Variants in SLC22A3 observed in about 807,000 individuals in gnomAD.
SLC22A3 encodes the protein EMT organic cation transporter 3.
A neutral mutation model predicts 59.1 loss-of-function variants in SLC22A3; 51 were observed. That is an observed-to-expected ratio of 0.86 (90% CI 0.69 to 1.09). The LOEUF is 1.09. Among genes scored for constraint, SLC22A3 ranks in the 50% least tolerant of loss-of-function variants. SLC22A3 has a pLI of 0.00. For synonymous variants in SLC22A3, 325 were observed against 292.0 expected (o/e 1.11, Z -1.15); for missense variants, 711 against 726.3 (o/e 0.98, Z 0.24).
Position 160,393,243 on chromosome 6 carries a change from G to A in SLC22A3, c.430-4736G>A, listed in dbSNP as rs959837276. ...ATTCCCTATGGTCTGAGGAGCAAAT[G>A]AGGCCCCTCTCCTGAGTTTATTTAT... On this transcript the variant is annotated intron_variant, in intron 1 of 10. Coordinates refer to ENST00000275300, the MANE Select transcript of SLC22A3 (RefSeq NM_021977.4). 1.2e-3 allele frequency among the ~76,000 whole-genome samples: 187 copies of A among 151,880 alleles called. 1 individual carries two copies. Among genetic ancestry groups the A allele is most frequent in the African/African-American group, 4.3e-3 (177 of 41,498 alleles).
chr6:160,403,010 C>A (rs777929740), intron 2 of SLC22A3, among the ~76,000 whole-genome samples: 1 of 149,224 alleles, frequency 6.7e-6, no homozygotes, highest in Non-Finnish European at 1.5e-5. Context: ...AAACCCAAGG[C>A]AAGTAGAAGA....
At chr6:160,427,768 T>C (rs996486445) in intron 5 of SLC22A3, among the ~76,000 whole-genome samples, 8 of 152,250 alleles carry the variant, frequency 5.3e-5, no homozygotes, top group Admixed American at 2.0e-4. Context: ...CAAAACAACT[T>C]TGGCTGACCA....
chr6:160,440,728 C>T lies in SLC22A3; in HGVS notation c.1289-2033C>T, dbSNP rs574935549. The stretch of plus-strand genomic sequence containing the variant: ...TTCACTCTTTAGTTAATGAACCATG[C>T]AATGCCTTAGAAACTTTTCTTTGGT... On this transcript the variant is annotated intron_variant, in intron 7 of 10. Transcript: ENST00000275300. Among the ~76,000 whole-genome samples, 4 of 152,254 alleles carry T rather than the reference C, an allele frequency of 2.6e-5. No homozygotes were observed. In the East Asian group the frequency reaches 7.7e-4, roughly 29 times the overall value.
At chr6:160,361,305 T>A (rs926870102) in intron 1 of SLC22A3, among the ~76,000 whole-genome samples, 6 of 152,082 alleles carry the variant, frequency 3.9e-5, no homozygotes, top group Non-Finnish European at 8.8e-5. Flanking sequence ...CAAAGGAACA[T>A]ACAGAGAAAC....
intron 1 of SLC22A3, among the ~76,000 whole-genome samples, chr6:160,374,987 T>C (rs779555783): frequency 6.6e-6 from 1 of 152,068 alleles, no homozygotes; most frequent in East Asian, 1.9e-4. Flanking sequence ...ACGTGCAGAC[T>C]GTGCTGTCCA....
At chr6:160,409,232 T>C (rs1787150984) in intron 4 of SLC22A3, among the ~76,000 whole-genome samples, 2 of 101,288 alleles carry the variant, frequency 2.0e-5, no homozygotes, top group Non-Finnish European at 3.9e-5. Context: ...CCATGTGATC[T>C]CATTGTTCAA....
chr6:160,418,372 G>T (rs143687679), intron 5 of SLC22A3, among the ~76,000 whole-genome samples: 1 of 152,164 alleles, frequency 6.6e-6, no homozygotes, highest in Non-Finnish European at 1.5e-5. Context: ...CATACTGAAG[G>T]CTGCACTGTT....
rs544116538 is a variant in SLC22A3, at chr6:160,422,705, T to C, written c.975+11859T>C. ...GGTGTCTGAATAAAGGAGGTGTTAA[T>C]TGGTGATGAAGTCCTTTTATCCTTT... On this transcript the variant is annotated intron_variant, in intron 5 of 10. Transcript: ENST00000275300. Among the ~76,000 whole-genome samples, 114 of 152,340 alleles carry C rather than the reference T, an allele frequency of 7.5e-4. 1 individual carries two copies. Among genetic ancestry groups the C allele is most frequent in the African/African-American group, 2.6e-3 (107 of 41,582 alleles).
At position 160,348,707 on chromosome 6, in the gene SLC22A3, G is replaced by A. The variant is rs1191682830; in HGVS notation, c.288G>A (p.Glu96=). 18 of 1,522,134 alleles carry A rather than the reference G, an allele frequency of 1.2e-5. No homozygotes were observed. Among genetic ancestry groups the A allele is most frequent in the Non-Finnish European group, 1.5e-5 (17 of 1,141,882 alleles). 94.3% of individuals were successfully genotyped at this position (1,522,134 alleles called of 1,614,324 possible). Residue 96 remains glutamate, a synonymous_variant, in exon 1 of 11, where the codon GAG becomes GAA. Transcript: ENST00000275300. ...RRGRCQRYLL[E]AANDSASATS... ...GCCGCTGCCAGCGCTACCTCCTGGA[G>A]GCGGCCAACGACAGCGCCTCCGCCA...
intron 2 of SLC22A3, among the ~76,000 whole-genome samples, chr6:160,401,240 T>G (rs1254167839): frequency 6.6e-6 from 1 of 151,970 alleles, no homozygotes; most frequent in East Asian, 1.9e-4. Flanking sequence ...CATAAAAAAG[T>G]ATACCTAGTT....
intron 1 of SLC22A3, among the ~76,000 whole-genome samples, chr6:160,354,569 G>A (rs142249230): frequency 6.6e-6 from 1 of 152,186 alleles, no homozygotes; most frequent in Non-Finnish European, 1.5e-5. Flanking sequence ...GGCCAGTTGT[G>A]GTGGTTCATG....
intron 2 of SLC22A3, among the ~76,000 whole-genome samples, chr6:160,405,208 A>G (rs991416274): frequency 2.6e-5 from 4 of 152,200 alleles, no homozygotes; most frequent in Admixed American, 2.0e-4. Flanking sequence ...AAACACAACA[A>G]TAAGAAAATA....
rs115655033 is a variant in SLC22A3 at position 160,363,345 on chromosome 6, C to G, written c.429+14497C>G. ...CCCATCGCGAAGGCCTCATGAGTCC[C>G]ACGTGACCGGCACGCCTGTGAGGCA... On this transcript the variant is annotated intron_variant, in intron 1 of 10. Coordinates refer to ENST00000275300, the MANE Select transcript of SLC22A3 (RefSeq NM_021977.4). 6.9e-3 allele frequency among the ~76,000 whole-genome samples: 1,055 copies of G among 152,338 alleles called. 21 individuals carry two copies. The highest frequency in any genetic ancestry group is 0.024 in the African/African-American group (1,018 of 41,586).
chr6:160,366,414 G>A (rs2661843), intron 1 of SLC22A3, among the ~76,000 whole-genome samples: 124,271 of 152,236 alleles, frequency 0.82, 50,985 homozygotes, highest in East Asian at 0.93. Flanking sequence ...AGCCTTGGAC[G>A]GCTCTGCCCT....
chr6:160,448,494 G>A (rs1788832088), intron 10 of SLC22A3, among the ~76,000 whole-genome samples: 1 of 152,028 alleles, frequency 6.6e-6, no homozygotes, highest in Admixed American at 6.5e-5. Flanking sequence ...TAGATGATAG[G>A]TAATGTCTGG....
chr6:160,430,554 G>A (rs1326746333), intron 5 of SLC22A3, among the ~76,000 whole-genome samples: 2 of 152,168 alleles, frequency 1.3e-5, no homozygotes, highest in African/African-American at 2.4e-5. Flanking sequence ...TTAATATGGA[G>A]TACATAATTG....
chr6:160,384,531 T>C (rs1355619994), intron 1 of SLC22A3, among the ~76,000 whole-genome samples: 1 of 152,060 alleles, frequency 6.6e-6, no homozygotes, highest in Non-Finnish European at 1.5e-5. Context: ...ACTCACACCT[T>C]AGAGACCAGG....
At chr6:160,352,547 C>T (rs1784696545) in intron 1 of SLC22A3, among the ~76,000 whole-genome samples, 1 of 152,188 alleles carries the variant, frequency 6.6e-6, no homozygotes, top group African/African-American at 2.4e-5. Flanking sequence ...GGCTATCACT[C>T]AGAGCAGGGC....
At chr6:160,351,677 A>G (rs1216860444) in intron 1 of SLC22A3, among the ~76,000 whole-genome samples, 1 of 152,236 alleles carries the variant, frequency 6.6e-6, no homozygotes, top group Non-Finnish European at 1.5e-5. Context: ...GAAGCCTAAG[A>G]TACAAATCAT....
Sources: gnomAD v4.1 joint callset for allele counts (sites outside exome capture counted in the v4.1 genomes callset) on GRCh38, gnomAD v4.1.1 for gene constraint, MANE v1.5 for transcripts, NCBI Gene and HGNC (gene_info 2026-07-23, HGNC 2026-07-21) for gene names.